Variants in CACNG2 observed in about 807,000 individuals in gnomAD.
CACNG2 encodes calcium voltage-gated channel auxiliary subunit gamma 2.
In CACNG2, 3 loss-of-function variants were observed where a neutral mutation model predicts 25.9. The ratio of observed to expected loss-of-function variants is 0.12; its 90% CI spans 0.05 to 0.30. The LOEUF (loss-of-function observed/expected upper bound fraction) is 0.30. CACNG2 is among the 10% of genes least tolerant of loss of function. The pLI is 1.00. For missense variants in CACNG2, 341 were observed against 432.5 expected, an observed-to-expected ratio of 0.79 and a Z score of 1.88; for synonymous variants, 167 against 173.3, an observed-to-expected ratio of 0.96 and a Z score of 0.29.
intron 1 of CACNG2, among the ~76,000 whole-genome samples, chr22:36,593,349 C>T (rs1935625819): frequency 6.6e-6 from 1 of 152,168 alleles, no homozygotes; most frequent in Non-Finnish European, 1.5e-5. Flanking sequence ...AGCCAGCGCT[C>T]AGCTCCCCAA....
chr22:36,590,139 G>A (rs2145923947), intron 1 of CACNG2, among the ~76,000 whole-genome samples: 1 of 152,274 alleles, frequency 6.6e-6, no homozygotes, highest in South Asian at 2.1e-4. Context: ...CGCAGGAACA[G>A]GAGCTCACAT....
chr22:36,632,332 C>T (rs986824769), intron 1 of CACNG2, among the ~76,000 whole-genome samples: 5 of 152,046 alleles, frequency 3.3e-5, no homozygotes, highest in African/African-American at 1.2e-4. Context: ...GCGTGATCCC[C>T]CTGGGCCTCA....
At chr22:36,613,360 G>A (rs955797594) in intron 1 of CACNG2, among the ~76,000 whole-genome samples, 8 of 152,068 alleles carry the variant, frequency 5.3e-5, no homozygotes, top group African/African-American at 1.9e-4. Flanking sequence ...GCTAGTGTGG[G>A]AGGCATTTCT....
intron 1 of CACNG2, among the ~76,000 whole-genome samples, chr22:36,686,660 G>A (rs1305748796): frequency 6.6e-6 from 1 of 152,214 alleles, no homozygotes; most frequent in Non-Finnish European, 1.5e-5. Context: ...GCTACTACGT[G>A]CCAGGCACCG....
intron 2 of CACNG2, among the ~76,000 whole-genome samples, chr22:36,572,610 G>T (rs1935251022): frequency 6.6e-6 from 1 of 151,974 alleles, no homozygotes; most frequent in African/African-American, 2.4e-5. Flanking sequence ...CCCGAGGCAG[G>T]AGAATCGTTT....
chr22:36,679,212 T>C (rs1206771871), intron 1 of CACNG2, among the ~76,000 whole-genome samples: 1 of 144,974 alleles, frequency 6.9e-6, no homozygotes, highest in Non-Finnish European at 1.5e-5. Context: ...CTTTCTTTCT[T>C]TCTTTCTTTC....
intron 1 of CACNG2, among the ~76,000 whole-genome samples, chr22:36,642,735 T>A (rs1182189268): frequency 6.6e-6 from 1 of 152,136 alleles, no homozygotes; most frequent in Non-Finnish European, 1.5e-5. Context: ...CACTGAAACT[T>A]CTCCTGCAGC....
At position 36,623,273 on chromosome 22, in the gene CACNG2, G is replaced by A. The variant is rs146368979; in HGVS notation, c.212-35725C>T. Among the ~76,000 whole-genome samples the A allele has an allele frequency of 1.1e-3, 162 of 151,920 alleles. 1 individual carries two copies. The highest frequency in any genetic ancestry group is 3.8e-3 in the African/African-American group (157 of 41,468). On this transcript the variant is annotated intron_variant, in intron 1 of 3. Transcript: ENST00000300105. ...TGACCTCAAGTGATCTGCCTGCCTC[G>A]GCCTCCCAAAGTGCTGGGATTACAG... is the stretch of plus-strand genomic sequence containing the variant.
chr22:36,575,777 T>C (rs1220196192), intron 2 of CACNG2, among the ~76,000 whole-genome samples: 1 of 152,168 alleles, frequency 6.6e-6, no homozygotes, highest in Admixed American at 6.5e-5. Context: ...GTGCGAGTAA[T>C]GACCTTGAAT....
Position 36,587,532 on chromosome 22 carries a change from C to A in CACNG2, c.228G>T (p.Leu76=), listed in dbSNP as rs571563795. ...CTGGGAAGTGATCAATTTGCTTGCA[C>A]AGACCTTTGAAATTCCCTGCAAAAC... The part of the protein sequence containing the change: ...TCCLEGNFKG[L]CKQIDHFPED... The change falls in exon 2 of 4, where the codon CTG becomes CTT. Residue 76 remains leucine, a synonymous_variant. Coordinates refer to ENST00000300105, the MANE Select transcript of CACNG2 (RefSeq NM_006078.5). 460 of 1,613,252 alleles carry A rather than the reference C, an allele frequency of 2.9e-4. 2 individuals are homozygous for A. The South Asian group carries it at 4.9e-3, about 17-fold the overall frequency.
chr22:36,653,007 G>T (rs1259994843), intron 1 of CACNG2, among the ~76,000 whole-genome samples: 1 of 151,970 alleles, frequency 6.6e-6, no homozygotes, highest in Non-Finnish European at 1.5e-5. Context: ...AGCAGAATTG[G>T]CCTACATATT....
intron 1 of CACNG2, among the ~76,000 whole-genome samples, chr22:36,675,027 G>T (rs1425276557): frequency 6.6e-6 from 1 of 152,158 alleles, no homozygotes; most frequent in Non-Finnish European, 1.5e-5. Flanking sequence ...TATTCATAGG[G>T]TTAGTGAGAA....
chr22:36,664,219 G>T (rs933178165), intron 1 of CACNG2, among the ~76,000 whole-genome samples: 2 of 151,012 alleles, frequency 1.3e-5, no homozygotes, highest in Non-Finnish European at 1.5e-5. Context: ...AGCCAAGAAG[G>T]TCAGACACAC....
At chr22:36,681,789 C>T (rs1937128116) in intron 1 of CACNG2, among the ~76,000 whole-genome samples, 1 of 152,138 alleles carries the variant, frequency 6.6e-6, no homozygotes, top group Non-Finnish European at 1.5e-5. Context: ...ACCACCCTGC[C>T]ATACAGGGTG....
At chr22:36,648,083 G>T (rs1335943299) in intron 1 of CACNG2, among the ~76,000 whole-genome samples, 1 of 152,202 alleles carries the variant, frequency 6.6e-6, no homozygotes, top group Non-Finnish European at 1.5e-5. Flanking sequence ...AAATGTTTAT[G>T]CTCAAACATG....
At chr22:36,626,158 G>T (rs1331322019) in intron 1 of CACNG2, among the ~76,000 whole-genome samples, 1 of 152,198 alleles carries the variant, frequency 6.6e-6, no homozygotes, top group African/African-American at 2.4e-5. Context: ...GACCTGAGAT[G>T]ATCCACGCGC....
intron 1 of CACNG2, among the ~76,000 whole-genome samples, chr22:36,612,440 T>C (rs713952): frequency 0.77 from 116,559 of 152,126 alleles, 44,857 homozygotes; most frequent in East Asian, 0.97. Flanking sequence ...AATAATCTTC[T>C]ACTCTGCCTG....
intron 1 of CACNG2, among the ~76,000 whole-genome samples, chr22:36,604,596 C>A (rs977590989): frequency 6.6e-6 from 1 of 152,184 alleles, no homozygotes; most frequent in African/African-American, 2.4e-5. Flanking sequence ...AACCACCACC[C>A]TGGTCAATCA....
At position 36,591,281 on chromosome 22, in the gene CACNG2, G is replaced by A. The variant is rs534454372; in HGVS notation, c.212-3733C>T. Among the ~76,000 whole-genome samples the A allele has an allele frequency of 6.6e-5, 10 of 152,042 alleles. No homozygotes were observed. The South Asian group carries it at 1.9e-3, about 28-fold the overall frequency. The stretch of plus-strand genomic sequence containing the variant: ...CCTGACCTCGTGATCCGCCTGCTTC[G>A]GCCTCCCAAAGTGCTGGGATTACAG... On this transcript the variant is annotated intron_variant, in intron 1 of 3. Transcript: ENST00000300105.
Sources: allele counts gnomAD v4.1 joint callset (sites outside exome capture counted in the v4.1 genomes callset), GRCh38; gene constraint gnomAD v4.1.1; transcripts MANE v1.5; gene names NCBI Gene and HGNC (gene_info 2026-07-23, HGNC 2026-07-21).